The following ERCC1 variants were observed in gnomAD, a reference collection of about 807,000 sequenced individuals.
The protein encoded by ERCC1 is DNA excision repair protein ERCC-1.
In ERCC1, 36 loss-of-function variants were observed where a neutral mutation model predicts 37.6. That is an observed-to-expected ratio of 0.96 (90% CI 0.73 to 1.26). ERCC1 has a LOEUF of 1.26. ERCC1 is among the 50% of genes most tolerant of loss of function. The pLI, the probability that ERCC1 is intolerant of heterozygous loss-of-function variation, is 0.00. For synonymous variants in ERCC1, 156 were observed against 162.1 expected, an observed-to-expected ratio of 0.96 and a Z score of 0.28; for missense variants, 349 against 376.5, an observed-to-expected ratio of 0.93 and a Z score of 0.60.
chr19:45,427,592 C>T (rs1431148009), upstream of ERCC1, among the ~76,000 whole-genome samples: 3 of 152,026 alleles, frequency 2.0e-5, no homozygotes, highest in African/African-American at 4.8e-5. Context: ...CTAGCCTGGG[C>T]GACAGAGCGA....
chr19:45,409,510 C>T lies in ERCC1; in HGVS notation c.*165G>A, dbSNP rs755051088. ...AGCAGCAGCCTGTGTAGTCTGCCCC[C>T]GGGAAACTGAGGAACTAAAGAAAGC... On this transcript the variant is annotated 3_prime_UTR_variant, in exon 10 of 10. Coordinates refer to ENST00000300853, the MANE Select transcript of ERCC1 (RefSeq NM_001983.4). 5.0e-6 allele frequency: 8 copies of T among 1,597,278 alleles called. No homozygotes were observed. Among genetic ancestry groups the T allele is most frequent in the Non-Finnish European group, 6.0e-6 (7 of 1,172,798 alleles).
At position 45,419,203 on chromosome 19, in the gene ERCC1, G is replaced by T. The variant is rs1378912203; in HGVS notation, c.426-6C>A. On this transcript the variant is annotated splice_polypyrimidine_tract_variant and splice_region_variant and intron_variant, in intron 4 of 9. Transcript: ENST00000300853. Reference sequence around the variant, plus strand: ...GCAGGTTGTGGTAGCGGAGGCTGGTGGGGGCAGGGAGCGGGAGTTGAGAGG... The same window carrying T: ...GCAGGTTGTGGTAGCGGAGGCTGGTTGGGGCAGGGAGCGGGAGTTGAGAGG... The T allele has an allele frequency of 1.3e-6, 2 of 1,581,830 alleles. No homozygotes were observed. Among genetic ancestry groups the T allele is most frequent in the Non-Finnish European group, 1.7e-6 (2 of 1,161,682 alleles).
chr19:45,435,214 G>A (rs1330018578), intron 1 of ERCC1, among the ~76,000 whole-genome samples: 1 of 152,130 alleles, frequency 6.6e-6, no homozygotes, highest in Non-Finnish European at 1.5e-5. Context: ...ACTGTGCCAG[G>A]CCCATTTTAC....
At chr19:45,429,907 C>T (rs1207156140) in intron 1 of ERCC1, among the ~76,000 whole-genome samples, 1 of 152,172 alleles carries the variant, frequency 6.6e-6, no homozygotes, top group Non-Finnish European at 1.5e-5. Context: ...GCCTCAGCCT[C>T]CTGAGTAGCT....
Position 45,407,827 on chromosome 19 carries a change from G to A in ERCC1, c.*1848C>T, listed in dbSNP as rs908981385. The A allele has an allele frequency of 3.2e-5, 9 of 279,528 alleles. No individual in the cohort carries two copies. The highest frequency in any genetic ancestry group is 8.6e-5 in the African/African-American group (4 of 46,474). 17.3% of individuals were successfully genotyped at this position (279,528 alleles called of 1,614,324 possible). The stretch of plus-strand genomic sequence containing the variant: ...ATCCCATCCTTTGGGAGGCCGAGGC[G>A]AGCAGATCACTTGAGGTCAGGAGTT... On this transcript the variant is annotated 3_prime_UTR_variant, in exon 10 of 10. Coordinates refer to ENST00000300853, the MANE Select transcript of ERCC1 (RefSeq NM_001983.4).
intron 5 of ERCC1, among the ~76,000 whole-genome samples, chr19:45,417,166 C>T (rs1974117218): frequency 6.6e-6 from 1 of 152,182 alleles, no homozygotes; most frequent in Non-Finnish European, 1.5e-5. Flanking sequence ...CCAAGAGCCT[C>T]TCACCCAATT....
chr19:45,416,785 T>G (rs2123486053), intron 6 of ERCC1, 36 bp downstream of exon 6: 1 of 1,555,222 alleles, frequency 6.4e-7, no homozygotes, highest in Non-Finnish European at 8.9e-7. Context: ...CAATCCCAGG[T>G]GGAGCCTGAA....
chr19:45,409,512 G>C lies in ERCC1; in HGVS notation c.*163C>G, dbSNP rs1358283996. The C allele has an allele frequency of 6.3e-7, 1 of 1,593,782 alleles. No individual in the cohort carries two copies. Among genetic ancestry groups the C allele is most frequent in the South Asian group, 1.1e-5 (1 of 88,906 alleles). Reference sequence around the variant, plus strand: ...CAGCAGCCTGTGTAGTCTGCCCCCGGGAAACTGAGGAACTAAAGAAAGCTG... The same window carrying C: ...CAGCAGCCTGTGTAGTCTGCCCCCGCGAAACTGAGGAACTAAAGAAAGCTG... On this transcript the variant is annotated 3_prime_UTR_variant, in exon 10 of 10. Coordinates refer to ENST00000300853, the MANE Select transcript of ERCC1 (RefSeq NM_001983.4).
chr19:45,428,143 G>T (rs1974746018), upstream of ERCC1, among the ~76,000 whole-genome samples: 1 of 141,514 alleles, frequency 7.1e-6, no homozygotes, highest in Non-Finnish European at 1.5e-5. Flanking sequence ...GAGTGCGGTG[G>T]TGCGATCACA....
At chr19:45,440,004 C>CGGGGAGCGGAAGGGGGAGCGCGCGG (rs1975078374) in intron 1 of ERCC1, among the ~76,000 whole-genome samples, 2 of 152,142 alleles carry the variant, frequency 1.3e-5, no homozygotes. Flanking sequence ...TCAGCGCTTC[C>CGGGGAGCGGAAGGGGGAGCGCGCGG]GGGGAGCGGA....
chr19:45,433,196 C>T (rs1974880034), intron 1 of ERCC1, among the ~76,000 whole-genome samples: 1 of 152,052 alleles, frequency 6.6e-6, no homozygotes, highest in South Asian at 2.1e-4. Context: ...TTGAGACCGG[C>T]CTGGGCAACG....
rs929575662 is a variant in ERCC1 at position 45,413,359 on chromosome 19, T to G, written c.843+318A>C. On this transcript the variant is annotated intron_variant, in intron 9 of 9. Transcript: ENST00000300853. Reference sequence around the variant, plus strand: ...ATAGCTCACTGCAGCCTCAACCTCCTGGGCTCAAGCGATCCTCCCACCTCA... The same window carrying G: ...ATAGCTCACTGCAGCCTCAACCTCCGGGGCTCAAGCGATCCTCCCACCTCA... 9 of 589,024 alleles carry G rather than the reference T, an allele frequency of 1.5e-5. 1 individual carries two copies. The highest frequency in any genetic ancestry group is 1.5e-4 in the African/African-American group (8 of 53,646). 36.5% of individuals were successfully genotyped at this position (589,024 alleles called of 1,614,324 possible).
intron 5 of ERCC1, among the ~76,000 whole-genome samples, chr19:45,418,590 A>G (rs1435985667): frequency 1.3e-5 from 2 of 151,994 alleles, no homozygotes; most frequent in South Asian, 4.2e-4. Context: ...TGGGAGGCTG[A>G]GGTGGGTGGA....
upstream of ERCC1, among the ~76,000 whole-genome samples, chr19:45,426,796 A>G (rs10417734): frequency 0.11 from 16,071 of 150,990 alleles, 2,836 homozygotes; most frequent in African/African-American, 0.37. Flanking sequence ...CCATCTCTAC[A>G]AAAAAACACA....
At chr19:45,447,157 C>T (rs545385558) in intron 1 of ERCC1, among the ~76,000 whole-genome samples, 1 of 152,282 alleles carries the variant, frequency 6.6e-6, no homozygotes, top group South Asian at 2.1e-4. Context: ...CCTGGCACAC[C>T]CCAGCACTAC....
intron 6 of ERCC1, among the ~76,000 whole-genome samples, chr19:45,415,472 T>C (rs1489182474): frequency 6.7e-6 from 1 of 149,046 alleles, no homozygotes; most frequent in Non-Finnish European, 1.5e-5. Flanking sequence ...CCATCTCTAC[T>C]AAAAATACAA....
chr19:45,431,837 G>A (rs1033797130), intron 1 of ERCC1, among the ~76,000 whole-genome samples: 2 of 152,112 alleles, frequency 1.3e-5, no homozygotes, highest in African/African-American at 4.8e-5. Context: ...GCTGCAGTGA[G>A]TCTTAATTAT....
chr19:45,450,219 C>T (rs1967071368), intron 1 of ERCC1, among the ~76,000 whole-genome samples: 1 of 152,090 alleles, frequency 6.6e-6, no homozygotes, highest in African/African-American at 2.4e-5. Context: ...TCACCTACTC[C>T]CATGCATACA....
chr19:45,451,153 T>C (rs1439498511), intron 1 of ERCC1, among the ~76,000 whole-genome samples: 1 of 151,990 alleles, frequency 6.6e-6, no homozygotes, highest in Non-Finnish European at 1.5e-5. Flanking sequence ...TGTCGCCCGC[T>C]CCTCCTGTCT....
Sources: allele counts gnomAD v4.1 joint callset (sites outside exome capture counted in the v4.1 genomes callset), GRCh38; gene constraint gnomAD v4.1.1; transcripts MANE v1.5; gene names NCBI Gene and HGNC (gene_info 2026-07-23, HGNC 2026-07-21).